The following CTNND2 variants were observed in gnomAD, a reference collection of about 807,000 sequenced individuals.
The protein encoded by CTNND2 is catenin delta 2, also known as catenin delta-2.
A neutral mutation model predicts 144.4 loss-of-function variants in CTNND2; 22 were observed. The ratio of observed to expected loss-of-function variants is 0.15; its 90% CI spans 0.11 to 0.22. The LOEUF (loss-of-function observed/expected upper bound fraction) is 0.22, where lower values mean the gene tolerates loss of function less well. Among genes scored for constraint, CTNND2 ranks in the 10% least tolerant of loss-of-function variants. The pLI is 1.00. For synonymous variants in CTNND2, 751 were observed against 695.6 expected, an observed-to-expected ratio of 1.08 and a Z score of -1.25; for missense variants, 1,353 against 1,618.8, an observed-to-expected ratio of 0.84 and a Z score of 2.82.
intron 12 of CTNND2, among the ~76,000 whole-genome samples, chr5:11,139,187 C>T (rs562991230): frequency 6.6e-6 from 1 of 152,272 alleles, no homozygotes; most frequent in Non-Finnish European, 1.5e-5. Context: ...TCTCAAACTC[C>T]TGGCCTCAAG....
At chr5:11,165,720 G>C (rs1367217749) in intron 11 of CTNND2, among the ~76,000 whole-genome samples, 1 of 152,060 alleles carries the variant, frequency 6.6e-6, no homozygotes, top group Non-Finnish European at 1.5e-5. Context: ...GCACAGAATG[G>C]CTCTTTTCCT....
intron 10 of CTNND2, among the ~76,000 whole-genome samples, chr5:11,220,482 C>A (rs1172124239): frequency 1.3e-5 from 2 of 152,154 alleles, no homozygotes; most frequent in African/African-American, 2.4e-5. Flanking sequence ...GCTCACCCAG[C>A]CCTCCTAACA....
intron 9 of CTNND2, among the ~76,000 whole-genome samples, chr5:11,293,199 T>G (rs947097458): frequency 6.6e-6 from 1 of 152,136 alleles, no homozygotes; most frequent in Non-Finnish European, 1.5e-5. Flanking sequence ...AAAACATCTG[T>G]GATTAGAAAG....
At chr5:11,434,065 G>A (rs916357466) in intron 3 of CTNND2, among the ~76,000 whole-genome samples, 4 of 152,188 alleles carry the variant, frequency 2.6e-5, no homozygotes, top group South Asian at 4.1e-4. Context: ...AAATTGGAAT[G>A]AGCCCAGAAA....
chr5:11,480,720 GA>G (rs1768172141), intron 3 of CTNND2, among the ~76,000 whole-genome samples: 1 of 150,864 alleles, frequency 6.6e-6, no homozygotes, highest in Non-Finnish European at 1.5e-5. Context: ...TCTTTCTGTA[GA>G]AAAAGAGTTG....
chr5:11,302,728 G>A (rs1046298640), intron 9 of CTNND2, among the ~76,000 whole-genome samples: 1 of 152,188 alleles, frequency 6.6e-6, no homozygotes, highest in African/African-American at 2.4e-5. Context: ...CCAGCTCTGA[G>A]AAGCTGCCTC....
At chr5:11,019,071 G>A (rs957875152) in intron 17 of CTNND2, among the ~76,000 whole-genome samples, 1 of 152,164 alleles carries the variant, frequency 6.6e-6, no homozygotes, top group East Asian at 1.9e-4. Flanking sequence ...TTTAAAGCTA[G>A]CAGAAGTTGA....
At chr5:11,839,473 G>A (rs1056700280) in intron 1 of CTNND2, among the ~76,000 whole-genome samples, 3 of 151,898 alleles carry the variant, frequency 2.0e-5, no homozygotes, top group African/African-American at 7.3e-5. Flanking sequence ...GTCTATCATG[G>A]CTCCAGGGAT....
intron 9 of CTNND2, among the ~76,000 whole-genome samples, chr5:11,277,475 C>G (rs1164632453): frequency 1.3e-5 from 2 of 150,892 alleles, no homozygotes; most frequent in African/African-American, 2.4e-5. Flanking sequence ...GTATGGGCTG[C>G]TCTGGTGCTT....
chr5:11,854,847 TTTG>T (rs1473499785), intron 1 of CTNND2, among the ~76,000 whole-genome samples: 2 of 152,138 alleles, frequency 1.3e-5, no homozygotes, highest in African/African-American at 4.8e-5. Context: ...TTTCACAGTT[TTTG>T]TTGTTGTTTT....
At chr5:11,446,818 C>T (rs968233115) in intron 3 of CTNND2, among the ~76,000 whole-genome samples, 1 of 152,090 alleles carries the variant, frequency 6.6e-6, no homozygotes, top group Non-Finnish European at 1.5e-5. Context: ...GCCACTTGAG[C>T]AAGGGGGCCG....
At chr5:11,684,090 A>G (rs1336467693) in intron 2 of CTNND2, among the ~76,000 whole-genome samples, 18 of 151,636 alleles carry the variant, frequency 1.2e-4, no homozygotes, top group Admixed American at 1.2e-3. Context: ...CACATTATTT[A>G]TTTTTATTTT....
intron 3 of CTNND2, among the ~76,000 whole-genome samples, chr5:11,529,658 T>C (rs1297741955): frequency 6.6e-6 from 1 of 152,244 alleles, no homozygotes; most frequent in Admixed American, 6.5e-5. Flanking sequence ...ACTATGAATA[T>C]GAATGGGGTC....
At chr5:11,441,938 G>C (rs1764304006) in intron 3 of CTNND2, among the ~76,000 whole-genome samples, 1 of 152,120 alleles carries the variant, frequency 6.6e-6, no homozygotes. Flanking sequence ...AATTACAGTA[G>C]CAAACAGGCC....
At chr5:11,812,183 C>T (rs1467685356) in intron 1 of CTNND2, among the ~76,000 whole-genome samples, 1 of 152,114 alleles carries the variant, frequency 6.6e-6, no homozygotes, top group African/African-American at 2.4e-5. Context: ...CACAGATGTC[C>T]TGTTGTGCGG....
chr5:11,574,561 T>C (rs969110649), intron 2 of CTNND2, among the ~76,000 whole-genome samples: 1 of 152,180 alleles, frequency 6.6e-6, no homozygotes, highest in African/African-American at 2.4e-5. Context: ...TCACACTCTC[T>C]TTTATTTTAG....
rs572121907 is a variant in CTNND2, at chr5:11,633,562, C to T, written c.175-68506G>A. 3.3e-4 allele frequency among the ~76,000 whole-genome samples: 50 copies of T among 152,108 alleles called. 1 individual carries two copies. The highest frequency in any genetic ancestry group is 9.6e-4 in the African/African-American group (40 of 41,534). ...GGAGGCCAGAGTGGGTGGTTCACAA[C>T]GTCAGGAGTTCGAGACAACCATGGC... On this transcript the variant is annotated intron_variant, in intron 2 of 21. Coordinates refer to ENST00000304623, the MANE Select transcript of CTNND2 (RefSeq NM_001332.4).
intron 3 of CTNND2, among the ~76,000 whole-genome samples, chr5:11,501,801 G>T (rs982911700): frequency 1.3e-5 from 2 of 151,982 alleles, no homozygotes; most frequent in Admixed American, 1.3e-4. Context: ...AAGGTCGGGA[G>T]ATTGAGACCA....
At chr5:11,432,704 A>AC (rs991074395) in intron 3 of CTNND2, among the ~76,000 whole-genome samples, 2 of 152,190 alleles carry the variant, frequency 1.3e-5, no homozygotes, top group African/African-American at 2.4e-5. Context: ...AAAGAAAAAA[A>AC]TTATAAGGAA....
Sources: allele counts gnomAD v4.1 joint callset (sites outside exome capture counted in the v4.1 genomes callset), GRCh38; gene constraint gnomAD v4.1.1; transcripts MANE v1.5; gene names NCBI Gene and HGNC (gene_info 2026-07-23, HGNC 2026-07-21).